The following CCDC192 variants were observed in gnomAD, a reference collection of about 807,000 sequenced individuals.
The protein encoded by CCDC192 is coiled-coil domain containing 192.
At chr5:127,764,839 G>A (rs936017542) in intron 3 of CCDC192, among the ~76,000 whole-genome samples, 1 of 152,154 alleles carries the variant, frequency 6.6e-6, no homozygotes, top group Non-Finnish European at 1.5e-5. Flanking sequence ...GTGGCCCACG[G>A]GCTGCAGGTT....
intron 6 of CCDC192, among the ~76,000 whole-genome samples, chr5:127,878,086 C>T (rs1421751): frequency 0.71 from 108,684 of 152,096 alleles, 39,253 homozygotes; most frequent in African/African-American, 0.83. Context: ...GTGTCACTCA[C>T]CTCTGCTTCT....
chr5:127,872,368 C>T (rs1751899509), intron 5 of CCDC192, among the ~76,000 whole-genome samples: 1 of 152,196 alleles, frequency 6.6e-6, no homozygotes, highest in Admixed American at 6.5e-5. Context: ...TGTTAACCTT[C>T]TTATCTAGCT....
chr5:127,902,349 AAAAG>A (rs1753059754), intron 6 of CCDC192, among the ~76,000 whole-genome samples: 3 of 151,934 alleles, frequency 2.0e-5, no homozygotes, highest in Non-Finnish European at 2.9e-5. Flanking sequence ...AGGAAGCTAT[AAAAG>A]TTTTTTTTTT....
At chr5:127,920,876 C>T (rs555976629) in intron 6 of CCDC192, among the ~76,000 whole-genome samples, 103 of 151,688 alleles carry the variant, frequency 6.8e-4, no homozygotes, top group African/African-American at 2.2e-3. Flanking sequence ...GCCTGGTCAA[C>T]GGGGTGAAGC....
rs560923929 is a variant in CCDC192, at chr5:127,842,136, C to T, written c.412-33402C>T. Among the ~76,000 whole-genome samples, 599 of 152,320 alleles carry T rather than the reference C, an allele frequency of 3.9e-3. 6 individuals are homozygous for T. The highest frequency in any genetic ancestry group is 6.4e-3 in the Non-Finnish European group (438 of 68,020). Reference sequence around the variant, plus strand: ...TCAAGGGCATGCATTCCCTGCAGTGCCCCAGGGCCAGCACTCAGAAGGACC... The same window carrying T: ...TCAAGGGCATGCATTCCCTGCAGTGTCCCAGGGCCAGCACTCAGAAGGACC... On this transcript the variant is annotated intron_variant, in intron 5 of 6. Coordinates refer to ENST00000514853, the MANE Select transcript of CCDC192 (RefSeq NM_001317938.2).
chr5:127,744,109 AG>A (rs1753600218), intron 2 of CCDC192, among the ~76,000 whole-genome samples: 1 of 128,168 alleles, frequency 7.8e-6, no homozygotes, highest in African/African-American at 2.7e-5. Flanking sequence ...AAAAAAAAAA[AG>A]GAAAAAAAAA....
chr5:127,777,529 A>T (rs1177004976), intron 3 of CCDC192, among the ~76,000 whole-genome samples: 1 of 152,082 alleles, frequency 6.6e-6, no homozygotes, highest in Admixed American at 6.5e-5. Context: ...ACTTTTGGGG[A>T]CTGTTGGGAA....
chr5:127,888,584 G>A lies in CCDC192; in HGVS notation c.535+12923G>A, dbSNP rs773837559. Among the ~76,000 whole-genome samples, 8 of 151,982 alleles carry A rather than the reference G, an allele frequency of 5.3e-5. No individual in the cohort carries two copies. In the East Asian group the frequency reaches 1.2e-3, roughly 22 times the overall value. ...TTGCAGGAGAAAATGGAAATGCCAC[G>A]TTTATTTAACTGTTCTCATTTATGG... On this transcript the variant is annotated intron_variant, in intron 6 of 6. Transcript: ENST00000514853.
At chr5:127,840,572 A>G (rs564668330) in intron 5 of CCDC192, among the ~76,000 whole-genome samples, 1 of 151,988 alleles carries the variant, frequency 6.6e-6, no homozygotes, top group Non-Finnish European at 1.5e-5. Context: ...AAGTACAAAA[A>G]TGAAGGTGTG....
chr5:127,833,745 T>C lies in CCDC192; in HGVS notation c.411+35583T>C, dbSNP rs1484090190. 1.3e-5 allele frequency among the ~76,000 whole-genome samples: 2 copies of C among 152,194 alleles called. 1 individual carries two copies. The highest frequency in any genetic ancestry group is 4.1e-4 in the South Asian group (2 of 4,830). On this transcript the variant is annotated intron_variant, in intron 5 of 6. Coordinates refer to ENST00000514853, the MANE Select transcript of CCDC192 (RefSeq NM_001317938.2). ...TTCTAGATTTGCAAGATCAGATCAC[T>C]GCAGTTAGCAATAAGTGTTACAGTA...
intron 6 of CCDC192, among the ~76,000 whole-genome samples, chr5:127,887,284 G>C (rs549324308): frequency 7.4e-6 from 1 of 135,774 alleles, no homozygotes; most frequent in South Asian, 2.3e-4. Flanking sequence ...AGCCGAGATC[G>C]TGCCACTGCA....
At chr5:127,835,739 A>G (rs1750006244) in intron 5 of CCDC192, among the ~76,000 whole-genome samples, 1 of 152,176 alleles carries the variant, frequency 6.6e-6, no homozygotes, top group African/African-American at 2.4e-5. Context: ...TTATAAAACC[A>G]TCAGATCTTG....
At chr5:127,757,174 A>T (rs941049943) in intron 3 of CCDC192, among the ~76,000 whole-genome samples, 2 of 152,170 alleles carry the variant, frequency 1.3e-5, no homozygotes, top group Non-Finnish European at 2.9e-5. Flanking sequence ...AGACATGGAG[A>T]ATGAAAATAG....
intron 6 of CCDC192, among the ~76,000 whole-genome samples, chr5:127,936,848 G>A (rs572097334): frequency 6.6e-5 from 10 of 152,314 alleles, no homozygotes; most frequent in African/African-American, 2.2e-4. Flanking sequence ...AGCCTATGAG[G>A]GACCACAGGT....
chr5:127,810,377 G>C (rs1758011676), intron 5 of CCDC192, among the ~76,000 whole-genome samples: 1 of 152,142 alleles, frequency 6.6e-6, no homozygotes, highest in Non-Finnish European at 1.5e-5. Context: ...GTTGAGGTGT[G>C]GGCTTGGAAA....
At chr5:127,730,414 C>T (rs917423851) in intron 2 of CCDC192, among the ~76,000 whole-genome samples, 1 of 152,042 alleles carries the variant, frequency 6.6e-6, no homozygotes, top group Non-Finnish European at 1.5e-5. Flanking sequence ...TAGGACCAGA[C>T]AGTTTTATAG....
At chr5:127,733,816 T>G (rs1237423749) in intron 2 of CCDC192, among the ~76,000 whole-genome samples, 3 of 151,652 alleles carry the variant, frequency 2.0e-5, no homozygotes, top group Non-Finnish European at 4.4e-5. Context: ...ACCTTTTTCA[T>G]TTCATTCTCA....
At chr5:127,861,514 G>T (rs1276532458) in intron 5 of CCDC192, among the ~76,000 whole-genome samples, 1 of 151,706 alleles carries the variant, frequency 6.6e-6, no homozygotes, top group Non-Finnish European at 1.5e-5. Flanking sequence ...AATTAGCCAG[G>T]CATGATGACA....
At chr5:127,782,548 G>T (rs944296283) in intron 3 of CCDC192, among the ~76,000 whole-genome samples, 5 of 151,974 alleles carry the variant, frequency 3.3e-5, no homozygotes, top group East Asian at 3.9e-4. Context: ...AGCTAGGAAG[G>T]TTGTATCTTT....
Sources: gnomAD v4.1 joint callset for allele counts (sites outside exome capture counted in the v4.1 genomes callset) on GRCh38, gnomAD v4.1.1 for gene constraint, MANE v1.5 for transcripts, NCBI Gene and HGNC (gene_info 2026-07-23, HGNC 2026-07-21) for gene names.